The following USP24 variants were observed in gnomAD, a reference collection of about 807,000 sequenced individuals.
USP24 encodes ubiquitin carboxyl-terminal hydrolase 24.
Under a neutral mutation model 361.6 loss-of-function variants are expected in USP24, and 97 were observed. That is an observed-to-expected ratio of 0.27 (90% confidence interval 0.23 to 0.32). USP24 has a LOEUF of 0.32. Among genes scored for constraint, USP24 ranks in the 10% least tolerant of loss-of-function variants. The pLI is 1.00. For synonymous variants in USP24, 1,098 were observed against 1,124.6 expected (o/e 0.98, Z 0.47); for missense variants, 2,353 against 3,165.6 (o/e 0.74, Z 6.16).
chr1:55,136,672 A>G (rs1646744272), intron 28 of USP24, among the ~76,000 whole-genome samples: 1 of 152,142 alleles, frequency 6.6e-6, no homozygotes, highest in African/African-American at 2.4e-5. Flanking sequence ...ACGGGTGTGA[A>G]AGAAGGAACC....
At chr1:55,127,864 A>C (rs1349441863) in intron 32 of USP24, among the ~76,000 whole-genome samples, 1 of 151,318 alleles carries the variant, frequency 6.6e-6, no homozygotes, top group Non-Finnish European at 1.5e-5. Context: ...CTTTTTTCTT[A>C]CTCATCTGAA....
At chr1:55,120,052 G>C (rs762197027) in intron 38 of USP24, among the ~76,000 whole-genome samples, 2 of 152,186 alleles carry the variant, frequency 1.3e-5, no homozygotes, top group Non-Finnish European at 2.9e-5. Flanking sequence ...GTCAATGTGA[G>C]ACCCCTACCT....
In USP24 at chr1:55,084,812, G is replaced by A. The variant is rs555397561; in HGVS notation, c.6766-924C>T. Among the ~76,000 whole-genome samples the A allele has an allele frequency of 5.3e-5, 8 of 152,290 alleles. No homozygotes were observed. The South Asian group carries it at 8.3e-4, about 16-fold the overall frequency. ...GCAAATGGCTTCCAAGTGTATGGCC[G>A]CCATTCCCTTCTCTTTCTGCCGCCT... is the stretch of plus-strand genomic sequence containing the variant. On this transcript the variant is annotated intron_variant, in intron 56 of 67. Transcript: ENST00000294383.
At chr1:55,174,854 T>G (rs1408637834) in intron 3 of USP24, among the ~76,000 whole-genome samples, 2 of 152,200 alleles carry the variant, frequency 1.3e-5, no homozygotes, top group African/African-American at 4.8e-5. Context: ...GGTCTGAAAC[T>G]CCTGGCCTCA....
intron 3 of USP24, among the ~76,000 whole-genome samples, chr1:55,174,318 T>C (rs1649740131): frequency 6.6e-6 from 1 of 152,094 alleles, no homozygotes; most frequent in Admixed American, 6.5e-5. Context: ...CAAATCCTAC[T>C]GAGTTTTCTG....
chr1:55,087,039 A>T (rs1250326349), intron 55 of USP24, among the ~76,000 whole-genome samples: 1 of 152,248 alleles, frequency 6.6e-6, no homozygotes, highest in Non-Finnish European at 1.5e-5. Flanking sequence ...TGTTTAAAGA[A>T]TTGCCTTAGA....
At chr1:55,146,218 G>A in intron 19 of USP24, 109 bp from the exon 20 acceptor site, 1 of 655,822 alleles carries the variant, frequency 1.5e-6, no homozygotes, top group South Asian at 2.8e-5. Flanking sequence ...TGTTTATACT[G>A]TCAAAATACC....
At chr1:55,135,502 TTCAGGCTG>T (rs1448676572) in intron 28 of USP24, among the ~76,000 whole-genome samples, 2 of 152,240 alleles carry the variant, frequency 1.3e-5, no homozygotes, top group Non-Finnish European at 2.9e-5. Context: ...TAAAATTACC[TTCAGGCTG>T]TGTATATAAG....
intron 56 of USP24, among the ~76,000 whole-genome samples, chr1:55,085,280 A>C (rs888957014): frequency 6.6e-6 from 1 of 152,202 alleles, no homozygotes; most frequent in African/African-American, 2.4e-5. Context: ...ATCCTCCTTA[A>C]AGGACTTGCT....
chr1:55,068,967 G>C lies in USP24; in HGVS notation c.*78C>G. 4 of 1,490,940 alleles carry C rather than the reference G, an allele frequency of 2.7e-6. No homozygotes were observed. The highest frequency in any genetic ancestry group is 1.7e-5 in the Admixed American group (1 of 59,168). The allele number at this position is 1,490,940 out of a possible 1,614,324, so 92.4% of individuals were successfully genotyped here. ...GTCCAATCTCCAGGCTCTTCCAAAG[G>C]GTTCGAGATTCTGATTCCAAGAAGG... is the stretch of plus-strand genomic sequence containing the variant. On this transcript the variant is annotated 3_prime_UTR_variant, in exon 68 of 68. Transcript: ENST00000294383.
At chr1:55,080,651 T>C (rs1334290020) in intron 59 of USP24, among the ~76,000 whole-genome samples, 2 of 152,202 alleles carry the variant, frequency 1.3e-5, no homozygotes, top group Middle Eastern at 3.2e-3. Flanking sequence ...GTTTGTTGTA[T>C]TATTACTATG....
intron 1 of USP24, among the ~76,000 whole-genome samples, chr1:55,188,737 T>C (rs550853372): frequency 6.6e-5 from 10 of 151,902 alleles, no homozygotes; most frequent in Non-Finnish European, 1.2e-4. Context: ...GGCAGGTGGA[T>C]TGCCTGAGAT....
At chr1:55,154,500 C>G in intron 13 of USP24, 34 bp from the exon 14 acceptor site, 1 of 1,539,042 alleles carries the variant, frequency 6.5e-7, no homozygotes, top group Non-Finnish European at 8.8e-7. Context: ...AATTGCTTCA[C>G]GATCAAACTG....
At chr1:55,094,170 AACGGGTATTAGAC>A in intron 51 of USP24, 83 bp from the exon 52 acceptor site, 2 of 1,381,624 alleles carry the variant, frequency 1.4e-6, no homozygotes, top group Non-Finnish European at 2.0e-6. Context: ...AATTCACATA[AACGGGTATTAGAC>A]TATTTGATTA....
intron 45 of USP24, among the ~76,000 whole-genome samples, 153 bp downstream of exon 45, chr1:55,099,618 T>G (rs114606781): frequency 3.5e-4 from 53 of 152,312 alleles, no homozygotes; most frequent in African/African-American, 1.2e-3. Flanking sequence ...TGTTATGTTT[T>G]GATGTTTAAA....
chr1:55,214,407 C>G (rs944941024), intron 1 of USP24, among the ~76,000 whole-genome samples: 1 of 151,948 alleles, frequency 6.6e-6, no homozygotes, highest in African/African-American at 2.4e-5. Context: ...TTTCCGACCC[C>G]CTACTGCACG....
intron 55 of USP24, among the ~76,000 whole-genome samples, chr1:55,088,147 T>G (rs529959846): frequency 3.2e-4 from 49 of 152,186 alleles, no homozygotes; most frequent in Non-Finnish European, 6.0e-4. Context: ...ATCTAATTTG[T>G]TTGAAAAAGA....
At chr1:55,105,645 CAA>C (rs1645750568) in intron 41 of USP24, among the ~76,000 whole-genome samples, 1 of 152,152 alleles carries the variant, frequency 6.6e-6, no homozygotes, top group African/African-American at 2.4e-5. Context: ...GTCAACATTA[CAA>C]AGAGATCTTT....
intron 1 of USP24, among the ~76,000 whole-genome samples, chr1:55,193,741 C>T (rs1488688915): frequency 6.6e-6 from 1 of 152,132 alleles, no homozygotes; most frequent in Non-Finnish European, 1.5e-5. Flanking sequence ...GAAAAGTGTA[C>T]ATATATTATA....
Sources: gnomAD v4.1 joint callset for allele counts (sites outside exome capture counted in the v4.1 genomes callset) on GRCh38, gnomAD v4.1.1 for gene constraint, MANE v1.5 for transcripts, NCBI Gene and HGNC (gene_info 2026-07-23, HGNC 2026-07-21) for gene names.